TMC1: variants seen among roughly 807,000 people sequenced by gnomAD.
TMC1 encodes the protein transmembrane channel-like protein 1.
Under a neutral mutation model 105.8 loss-of-function variants are expected in TMC1, and 84 were observed. The observed-to-expected ratio is 0.79, with a 90% CI of 0.67 to 0.95. The LOEUF (loss-of-function observed/expected upper bound fraction) is 0.95, where lower values mean the gene tolerates loss of function less well. TMC1 is among the 40% of genes least tolerant of loss of function. The probability of loss-of-function intolerance (pLI) is 0.00; values close to 1 mark genes in which losing one functional copy is unlikely to be tolerated. For synonymous variants in TMC1, 315 were observed against 311.5 expected, an observed-to-expected ratio of 1.01 and a Z score of -0.12; for missense variants, 817 against 914.1, an observed-to-expected ratio of 0.89 and a Z score of 1.37.
chr9:72,682,542 G>A (rs1203610679), intron 5 of TMC1, among the ~76,000 whole-genome samples: 1 of 152,158 alleles, frequency 6.6e-6, no homozygotes, highest in African/African-American at 2.4e-5. Flanking sequence ...GCTTCTTTTT[G>A]TCCTGACCTA....
intron 7 of TMC1, among the ~76,000 whole-genome samples, chr9:72,698,708 G>A (rs1826592096): frequency 1.3e-5 from 2 of 152,180 alleles, no homozygotes; most frequent in Non-Finnish European, 2.9e-5. Flanking sequence ...AATGGAAAGG[G>A]TTGAAACGAA....
chr9:72,830,712 T>C, intron 23 of TMC1, 30 bp downstream of exon 23: 2 of 1,584,232 alleles, frequency 1.3e-6, no homozygotes, highest in Non-Finnish European at 1.7e-6. Context: ...TTGTAATGTT[T>C]GTAATTTTTC....
At chr9:72,698,747 G>A (rs1269382115) in intron 7 of TMC1, among the ~76,000 whole-genome samples, 1 of 152,144 alleles carries the variant, frequency 6.6e-6, no homozygotes, top group East Asian at 1.9e-4. Context: ...AAAGACCCTA[G>A]GAGCTAAAAC....
rs1453692569 is a variant in TMC1 at position 72,805,862 on chromosome 9, C to T, written c.1695+352C>T. Among the ~76,000 whole-genome samples the T allele has an allele frequency of 7.2e-5, 11 of 152,276 alleles. No individual in the cohort carries two copies. In the East Asian group the frequency reaches 9.7e-4, roughly 13 times the overall value. The stretch of plus-strand genomic sequence containing the variant: ...GTTTCAGAGAGCACAGGGTTGGGGG[C>T]AAGGTCACAGATCAACAGGATCCCA... On this transcript the variant is annotated intron_variant, in intron 18 of 23. Transcript: ENST00000297784.
intron 20 of TMC1, among the ~76,000 whole-genome samples, chr9:72,825,725 G>A (rs1828941451): frequency 6.6e-6 from 1 of 152,154 alleles, no homozygotes; most frequent in African/African-American, 2.4e-5. Context: ...TGGGGGGTAT[G>A]AACAATTTGG....
chr9:72,567,432 GAAATATCCAAGACTGGGTAATTTAT>G (rs1260257615), intron 1 of TMC1, among the ~76,000 whole-genome samples: 3 of 152,212 alleles, frequency 2.0e-5, no homozygotes, highest in African/African-American at 7.2e-5. Context: ...CCACTATGAA[GAAATATCCAAGACTGGGTAATTTAT>G]AAAGAAAAGA....
At chr9:72,683,879 A>AT (rs1826334919) in intron 5 of TMC1, among the ~76,000 whole-genome samples, 2 of 148,914 alleles carry the variant, frequency 1.3e-5, no homozygotes, top group Admixed American at 6.7e-5. Flanking sequence ...CCCCATATTT[A>AT]TTTTTTTACT....
intron 1 of TMC1, among the ~76,000 whole-genome samples, chr9:72,530,365 G>A (rs1823478598): frequency 6.6e-6 from 1 of 151,910 alleles, no homozygotes; most frequent in Non-Finnish European, 1.5e-5. Context: ...TAGTAGAGAT[G>A]GGATTTTATC....
intron 2 of TMC1, among the ~76,000 whole-genome samples, chr9:72,610,711 G>T (rs1351166397): frequency 3.9e-5 from 6 of 152,084 alleles, no homozygotes; most frequent in Non-Finnish European, 8.8e-5. Flanking sequence ...CAAATGTCTG[G>T]GCACCCTGTT....
At chr9:72,608,771 C>G (rs527898553) in intron 2 of TMC1, among the ~76,000 whole-genome samples, 1 of 151,328 alleles carries the variant, frequency 6.6e-6, no homozygotes, top group South Asian at 2.1e-4. Context: ...AGTGGTGATA[C>G]GTATGGTTTA....
At chr9:72,765,630 C>T (rs572305790) in intron 12 of TMC1, among the ~76,000 whole-genome samples, 6 of 147,216 alleles carry the variant, frequency 4.1e-5, no homozygotes, top group South Asian at 4.3e-4. Flanking sequence ...AGAGGTGAGC[C>T]TGTCATACTA....
At chr9:72,790,505 C>T (rs1244947807) in intron 15 of TMC1, among the ~76,000 whole-genome samples, 1 of 152,088 alleles carries the variant, frequency 6.6e-6, no homozygotes, top group Non-Finnish European at 1.5e-5. Context: ...AAAATGGTCT[C>T]ATAATTGTAA....
At chr9:72,809,814 C>A (rs1828667242) in intron 18 of TMC1, among the ~76,000 whole-genome samples, 1 of 152,132 alleles carries the variant, frequency 6.6e-6, no homozygotes, top group East Asian at 1.9e-4. Flanking sequence ...AGTTGAGAAA[C>A]CACTGCCATC....
At chr9:72,617,410 C>T (rs934681010) in intron 3 of TMC1, among the ~76,000 whole-genome samples, 26 of 152,248 alleles carry the variant, frequency 1.7e-4, no homozygotes, top group African/African-American at 6.0e-4. Context: ...GATCCGCTTG[C>T]CTCAGCCTCC....
At chr9:72,749,386 G>A (rs1827542106) in intron 10 of TMC1, among the ~76,000 whole-genome samples, 1 of 152,190 alleles carries the variant, frequency 6.6e-6, no homozygotes, top group African/African-American at 2.4e-5. Context: ...TAACTGTAAT[G>A]AGTAACAAAC....
intron 9 of TMC1, among the ~76,000 whole-genome samples, chr9:72,742,169 T>TGC (rs1266996096): frequency 6.6e-6 from 1 of 152,236 alleles, no homozygotes; most frequent in Admixed American, 6.5e-5. Context: ...TTTCTTATTG[T>TGC]GTTATATAAT....
At chr9:72,689,663 G>T (rs1826433733) in intron 6 of TMC1, among the ~76,000 whole-genome samples, 1 of 151,982 alleles carries the variant, frequency 6.6e-6, no homozygotes, top group South Asian at 2.1e-4. Context: ...TATCTTCCTG[G>T]TAAATTGACC....
intron 6 of TMC1, among the ~76,000 whole-genome samples, chr9:72,692,153 G>C (rs1826475532): frequency 6.6e-6 from 1 of 152,178 alleles, no homozygotes; most frequent in African/African-American, 2.4e-5. Context: ...GGCTATCTTT[G>C]CTCTCATTGG....
intron 1 of TMC1, among the ~76,000 whole-genome samples, chr9:72,564,525 T>A (rs1335407158): frequency 6.6e-6 from 1 of 152,216 alleles, no homozygotes. Flanking sequence ...ATACACACTA[T>A]AAACCTCAGA....
Sources: allele counts gnomAD v4.1 joint callset (sites outside exome capture counted in the v4.1 genomes callset), GRCh38; gene constraint gnomAD v4.1.1; transcripts MANE v1.5; gene names NCBI Gene and HGNC (gene_info 2026-07-23, HGNC 2026-07-21).